TMEM44: variants seen among roughly 807,000 people sequenced by gnomAD.
TMEM44 encodes the protein transmembrane protein 44.
A neutral mutation model predicts 47.8 loss-of-function variants in TMEM44; 43 were observed. That is an observed-to-expected ratio of 0.90 (90% CI 0.70 to 1.16). The LOEUF (loss-of-function observed/expected upper bound fraction) is 1.16, where lower values mean the gene tolerates loss of function less well. Ranked by LOEUF, TMEM44 falls within the 50% of genes most tolerant of loss-of-function variation. TMEM44 has a pLI of 0.00. For missense variants in TMEM44, 568 were observed against 555.2 expected (o/e 1.02, Z -0.23); for synonymous variants, 277 against 238.8 (o/e 1.16, Z -1.48).
At chr3:194,594,844 A>C (rs112142489) in intron 9 of TMEM44, among the ~76,000 whole-genome samples, 1 of 152,160 alleles carries the variant, frequency 6.6e-6, no homozygotes, top group Non-Finnish European at 1.5e-5. Context: ...ACAAAGCTTA[A>C]ATCTTCAGCG....
intron 1 of TMEM44, among the ~76,000 whole-genome samples, chr3:194,632,189 G>C (rs545488406): frequency 1.3e-5 from 2 of 152,348 alleles, no homozygotes; most frequent in South Asian, 4.1e-4. Context: ...CATTGAATGA[G>C]TTAATGAATG....
At chr3:194,593,372 A>ATTC (rs920810377) in intron 9 of TMEM44, among the ~76,000 whole-genome samples, 1 of 152,206 alleles carries the variant, frequency 6.6e-6, no homozygotes, top group Admixed American at 6.5e-5. Context: ...TATTATTATT[A>ATTC]TTAGGAGGAG....
intron 9 of TMEM44, among the ~76,000 whole-genome samples, chr3:194,599,428 A>G (rs1255514515): frequency 6.6e-6 from 1 of 152,110 alleles, no homozygotes; most frequent in African/African-American, 2.4e-5. Context: ...CAGGATCTTC[A>G]AGGAATATTG....
Position 194,623,446 on chromosome 3 carries a change from C to T in TMEM44, c.525+83G>A. 2.6e-6 allele frequency: 4 copies of T among 1,514,688 alleles called. No individual in the cohort carries two copies. The Admixed American group carries it at 6.7e-5, about 25-fold the overall frequency. The allele number at this position is 1,514,688 out of a possible 1,614,324, so 93.8% of individuals were successfully genotyped here. On this transcript the variant is annotated intron_variant, in intron 4 of 9. Coordinates refer to ENST00000347147, the MANE Select transcript of TMEM44 (RefSeq NM_001011655.3). The stretch of plus-strand genomic sequence containing the variant: ...AACAAAGGAAGGCTTAACCCCACTC[C>T]CCTAGCCCCGGCCTCATCCCACCCT...
At chr3:194,590,218 G>A (rs913739744) in intron 9 of TMEM44, 33 of 152,202 alleles carry the variant, frequency 2.2e-4, no homozygotes, top group African/African-American at 7.7e-4. Context: ...GCCTTGTTTT[G>A]GACAGAAATA....
chr3:194,632,980 C>G, intron 1 of TMEM44, 99 bp downstream of exon 1: 1 of 1,470,664 alleles, frequency 6.8e-7, no homozygotes, highest in Non-Finnish European at 9.1e-7. Flanking sequence ...TCTCCTTCAT[C>G]CCCCTTTCCG....
Position 194,615,615 on chromosome 3 carries a change from G to A in TMEM44, c.866C>T (p.Thr289Ile). The A allele has an allele frequency of 6.2e-7, 1 of 1,614,182 alleles. No individual in the cohort carries two copies. The highest frequency in any genetic ancestry group is 1.7e-4 in the Middle Eastern group (1 of 6,060). The change falls in exon 7 of 10, where the codon ACC becomes ATC. Residue 289 changes from threonine to isoleucine, a missense_variant. By Grantham distance (89) the Thr-to-Ile change is moderately conservative (BLOSUM62 -1). Transcript: ENST00000347147. ...CTCTGCACAGGTCAAAAGGGCTTGG[G>A]TGTCAGGGCTCTCTCTGGCTTCCTT... ...FAKEARESPD[T>I]QALLTCAEKE...
chr3:194,617,726 TC>T (rs1276747970), intron 5 of TMEM44: 1 of 703,856 alleles, frequency 1.4e-6, no homozygotes, highest in Non-Finnish European at 2.6e-6. Flanking sequence ...TGGACATTTG[TC>T]CCCGCCAGAT....
chr3:194,615,309 G>A (rs1172040407), intron 7 of TMEM44, among the ~76,000 whole-genome samples: 4 of 152,068 alleles, frequency 2.6e-5, no homozygotes, highest in Non-Finnish European at 5.9e-5. Flanking sequence ...AGGGACTTCT[G>A]GAATTCCCAA....
intron 8 of TMEM44, among the ~76,000 whole-genome samples, chr3:194,604,807 A>G (rs1211541318): frequency 1.3e-5 from 2 of 152,212 alleles, no homozygotes; most frequent in Non-Finnish European, 2.9e-5. Flanking sequence ...GTAGCATTTC[A>G]GGTGTTCCCA....
At chr3:194,598,830 A>C (rs1419409786) in intron 9 of TMEM44, among the ~76,000 whole-genome samples, 1 of 152,222 alleles carries the variant, frequency 6.6e-6, no homozygotes, top group Non-Finnish European at 1.5e-5. Context: ...CAAATCAGAA[A>C]GGACCATAGA....
intron 9 of TMEM44, among the ~76,000 whole-genome samples, chr3:194,600,823 A>T (rs79338902): frequency 0.047 from 7,230 of 152,266 alleles, 234 homozygotes; most frequent in African/African-American, 0.084. Flanking sequence ...CACACACCTG[A>T]AAAAAGATTT....
intron 8 of TMEM44, among the ~76,000 whole-genome samples, chr3:194,610,381 C>A (rs1035490756): frequency 1.3e-5 from 2 of 152,118 alleles, no homozygotes; most frequent in African/African-American, 4.8e-5. Flanking sequence ...TCTTTGAAAA[C>A]CAGCAGAAGC....
At chr3:194,620,626 T>A (rs1474289983) in intron 5 of TMEM44, among the ~76,000 whole-genome samples, 1 of 152,096 alleles carries the variant, frequency 6.6e-6, no homozygotes, top group Non-Finnish European at 1.5e-5. Context: ...TTACAAATGA[T>A]CTGAAGAAAA....
chr3:194,595,626 ATTT>A (rs1183156467), intron 9 of TMEM44, among the ~76,000 whole-genome samples: 32 of 145,524 alleles, frequency 2.2e-4, no homozygotes, highest in Non-Finnish European at 4.1e-4. Context: ...CTCATTCTCT[ATTT>A]TTTTTTTTTT....
At chr3:194,594,169 C>CTA (rs1290657353) in intron 9 of TMEM44, among the ~76,000 whole-genome samples, 3 of 52,906 alleles carry the variant, frequency 5.7e-5, no homozygotes, top group Non-Finnish European at 1.8e-4. Context: ...CTATCTATAT[C>CTA]TATCTATCTG....
chr3:194,632,885 CCAGCTTCCCTGTGCGTGGGATCCGG>C, intron 1 of TMEM44, 169 bp downstream of exon 1: 1 of 992,592 alleles, frequency 1.0e-6, no homozygotes, highest in South Asian at 1.7e-5. Flanking sequence ...GGCTCACAGC[CCAGCTTCCCTGTGCGTGGGATCCGG>C]AAAGAAGATC....
intron 1 of TMEM44, 149 bp downstream of exon 1, chr3:194,632,930 T>C: frequency 8.5e-7 from 1 of 1,169,708 alleles, no homozygotes; most frequent in Non-Finnish European, 1.2e-6. Flanking sequence ...CCCACTTCAG[T>C]CTACAGAGCA....
At position 194,623,248 on chromosome 3, in the gene TMEM44, A is replaced by G; in HGVS notation, c.588T>C (p.Ser196=). 6.2e-7 allele frequency: 1 copy of G among 1,611,456 alleles called. No individual in the cohort carries two copies. The highest frequency in any genetic ancestry group is 8.5e-7 in the Non-Finnish European group (1 of 1,178,988). Residue 196 remains serine, a synonymous_variant, in exon 5 of 10, where the codon TCT becomes TCC. Transcript: ENST00000347147. ...CAATTCTGGAGAGAGGGGGGATCCGAGAAGCCCAGGAGCCAAAGGCAGCAA... is the reference window on the plus strand; with the variant it reads ...CAATTCTGGAGAGAGGGGGGATCCGGGAAGCCCAGGAGCCAAAGGCAGCAA... ...GSVAAFGSWA[S]RIPPLSRICR... is the part of the protein sequence containing the mutation.
Sources: allele counts gnomAD v4.1 joint callset (sites outside exome capture counted in the v4.1 genomes callset), GRCh38; gene constraint gnomAD v4.1.1; transcripts MANE v1.5; gene names NCBI Gene and HGNC (gene_info 2026-07-23, HGNC 2026-07-21).